Variants in TCHP observed in about 807,000 individuals in gnomAD.
TCHP encodes the protein trichoplein keratin filament-binding protein.
Under a neutral mutation model 88.7 loss-of-function variants are expected in TCHP, and 81 were observed. The ratio of observed to expected loss-of-function variants is 0.91; its 90% CI spans 0.76 to 1.10. The LOEUF is 1.10. TCHP is among the 50% of genes least tolerant of loss of function. TCHP has a pLI of 0.00. For synonymous variants in TCHP, 232 were observed against 232.5 expected (o/e 1.00, Z 0.02); for missense variants, 641 against 632.1 (o/e 1.01, Z -0.15).
upstream of TCHP, chr12:109,900,250 G>C (rs1400074237): frequency 6.6e-6 from 1 of 152,164 alleles, no homozygotes; most frequent in Non-Finnish European, 1.5e-5. Flanking sequence ...CGCGCTGAAG[G>C]AGGCTTGGCC....
chr12:109,908,233 T>C (rs1235024157), intron 6 of TCHP, among the ~76,000 whole-genome samples: 1 of 152,232 alleles, frequency 6.6e-6, no homozygotes, highest in East Asian at 1.9e-4. Flanking sequence ...CTACTGCTTA[T>C]TCTAGGTGCT....
At chr12:109,910,247 C>T (rs1870410106) in intron 8 of TCHP, among the ~76,000 whole-genome samples, 1 of 152,242 alleles carries the variant, frequency 6.6e-6, no homozygotes, top group African/African-American at 2.4e-5. Context: ...GGGAGACAGA[C>T]CTAAGCTGCC....
intron 10 of TCHP, 28 bp downstream of exon 10, chr12:109,913,100 G>A (rs756131357): frequency 1.2e-5 from 20 of 1,610,228 alleles, no homozygotes; most frequent in Admixed American, 1.2e-4. Context: ...GATGTGGACC[G>A]GCTGTTGGGT....
Position 109,908,889 on chromosome 12 carries a change from G to T in TCHP, c.831G>T (p.Gln277His), listed in dbSNP as rs1319795775. 1 of 1,614,132 alleles carries T rather than the reference G, an allele frequency of 6.2e-7. No individual in the cohort carries two copies. The highest frequency in any genetic ancestry group is 8.5e-7 in the Non-Finnish European group (1 of 1,180,050). Residue 277 changes from glutamine to histidine, a missense_variant, in exon 8 of 13, where the codon CAG becomes CAT. Coordinates refer to ENST00000405876, the MANE Select transcript of TCHP (RefSeq NM_001143852.2). ...KAELGRFLRHQYNAQLSRRTQ... is the reference protein window; with the variant it reads ...KAELGRFLRHHYNAQLSRRTQ... Reference sequence around the variant, plus strand: ...CCTTCAGGCGTTTCTTGAGACATCAGTATAACGCTCAACTCAGCAGACGCA... The same window carrying T: ...CCTTCAGGCGTTTCTTGAGACATCATTATAACGCTCAACTCAGCAGACGCA...
rs1180545857 is a variant in TCHP, at chr12:109,911,185, G to A, written c.1002G>A (p.Glu334=). 1 of 1,590,194 alleles carries A rather than the reference G, an allele frequency of 6.3e-7. No homozygotes were observed. Among genetic ancestry groups the A allele is most frequent in the East Asian group, 2.3e-5 (1 of 43,892 alleles). ...DVAWMKQAIE[E]QLQLERAREA... ...CCTGGATGAAGCAGGCCATTGAGGA[G>A]CAGCTGCAGCTGGAGCGGGCGCGGG... The change falls in exon 9 of 13, where the codon GAG becomes GAA. Residue 334 remains glutamate, a synonymous_variant. Coordinates refer to ENST00000405876, the MANE Select transcript of TCHP (RefSeq NM_001143852.2).
At position 109,904,052 on chromosome 12, in the gene TCHP, C is replaced by G; in HGVS notation, c.304C>G (p.Leu102Val). Residue 102 changes from leucine (L) to valine (V), a missense_variant, in exon 3 of 13, where the codon CTG (leucine) becomes GTG (valine). Transcript: ENST00000405876. ...GGAGCAGGACCTGCTGGCCAGAGAACTGGAGGAGCTGAGGCTGAGCATGAA... is the reference window on the plus strand; with the variant it reads ...GGAGCAGGACCTGCTGGCCAGAGAAGTGGAGGAGCTGAGGCTGAGCATGAA... ...QEEQDLLARE[L>V]EELRLSMNLQ... 6.2e-7 allele frequency: 1 copy of G among 1,605,970 alleles called. No individual in the cohort carries two copies. Among genetic ancestry groups the G allele is most frequent in the South Asian group, 1.1e-5 (1 of 89,498 alleles).
At position 109,904,128 on chromosome 12, in the gene TCHP, A is replaced by G. The variant is rs10774978; in HGVS notation, c.380A>G (p.Lys127Arg). ...REQHGKLKSA[K>R]EEQRKLIAEQ... ...CAGCACGGGAAGCTGAAATCAGCCAAAGAAGAGCAGAGGAAACTGGTAACT... is the reference window on the plus strand; with the variant it reads ...CAGCACGGGAAGCTGAAATCAGCCAGAGAAGAGCAGAGGAAACTGGTAACT... Residue 127 changes from lysine to arginine, a missense_variant, in exon 3 of 13, where the codon AAA (lysine) becomes AGA (arginine). Transcript: ENST00000405876. 281,634 of 1,574,250 alleles carry G rather than the reference A, an allele frequency of 0.18. 33,720 individuals are homozygous for G. The highest frequency in any genetic ancestry group is 0.62 in the African/African-American group (45,637 of 73,754).
chr12:109,915,923 C>T (rs1870796787), intron 12 of TCHP, among the ~76,000 whole-genome samples: 1 of 152,154 alleles, frequency 6.6e-6, no homozygotes, highest in African/African-American at 2.4e-5. Context: ...GACCAGTCCT[C>T]CTCCTCACCT....
the TCHP span, among the ~76,000 whole-genome samples, chr12:109,893,380 CAA>C: frequency 0.041 from 4,917 of 119,836 alleles, 284 homozygotes; most frequent in African/African-American, 0.12. Context: ...AACTCCTTCT[CAA>C]AAAAAAAAAA....
chr12:109,904,135 G>A lies in TCHP; in HGVS notation c.387G>A (p.Glu129=). 1 of 1,571,248 alleles carries A rather than the reference G, an allele frequency of 6.4e-7. No individual in the cohort carries two copies. The highest frequency in any genetic ancestry group is 8.6e-7 in the Non-Finnish European group (1 of 1,157,968). The part of the protein sequence containing the change: ...QHGKLKSAKE[E]QRKLIAEQLL... ...GGAAGCTGAAATCAGCCAAAGAAGA[G>A]CAGAGGAAACTGGTAACTCCCCAGA... The change falls in exon 3 of 13, where the codon GAG becomes GAA. Residue 129 remains glutamate (E), a synonymous_variant. Coordinates refer to ENST00000405876, the MANE Select transcript of TCHP (RefSeq NM_001143852.2).
Position 109,915,384 on chromosome 12 carries a change from C to G in TCHP, c.1321-19C>G. 1 of 1,614,082 alleles carries G rather than the reference C, an allele frequency of 6.2e-7. No individual in the cohort carries two copies. Among genetic ancestry groups the G allele is most frequent in the Non-Finnish European group, 8.5e-7 (1 of 1,180,040 alleles). ...TGTGGGCCTTGTCTTGGGGTGGTGA[C>G]TTTGCTCTTGGCACTCAGGTTGCAG... On this transcript the variant is annotated intron_variant, in intron 11 of 12. Transcript: ENST00000405876.
chr12:109,917,682 T>C lies in TCHP; in HGVS notation c.*1059T>C, dbSNP rs567384475. The C allele has an allele frequency of 6.5e-6, 1 of 152,754 alleles. No homozygotes were observed. Among genetic ancestry groups the C allele is most frequent in the South Asian group, 2.1e-4 (1 of 4,824 alleles). The allele number at this position is 152,754 out of a possible 1,614,324, so 9.5% of individuals were successfully genotyped here. On this transcript the variant is annotated 3_prime_UTR_variant, in exon 13 of 13. Coordinates refer to ENST00000405876, the MANE Select transcript of TCHP (RefSeq NM_001143852.2). ...CGTGATACAGGTCTACATTCATTTC[T>C]ACAAACAGGAACAAGTTCCTTGCAG...
At position 109,916,205 on chromosome 12, in the gene TCHP, G is replaced by T. The variant is rs750799500; in HGVS notation, c.1465-386G>T. On this transcript the variant is annotated intron_variant, in intron 12 of 12. Transcript: ENST00000405876. ...CCAGGACACATGCTGCAGAATGAGGGCTGGCTCCCTTGTGGTCAGATGACA... is the reference window on the plus strand; with the variant it reads ...CCAGGACACATGCTGCAGAATGAGGTCTGGCTCCCTTGTGGTCAGATGACA... Among the ~76,000 whole-genome samples the T allele has an allele frequency of 5.9e-5, 9 of 152,216 alleles. No homozygotes were observed. In the East Asian group the frequency reaches 9.6e-4, roughly 16 times the overall value.
At chr12:109,912,920 T>C in intron 9 of TCHP, 71 bp from the exon 10 acceptor site, 1 of 1,318,658 alleles carries the variant, frequency 7.6e-7, no homozygotes, top group Non-Finnish European at 1.1e-6. Flanking sequence ...CCTGCAGCCC[T>C]GTCTGTTCCG....
rs1870315062 is a variant in TCHP at position 109,908,873 on chromosome 12, GT to G, written c.818del (p.Phe273SerfsTer2). ...GCCCACATTTGATTCTCCTTCAGGC[GT>G]TTCTTGAGACATCAGTATAACGCTC... ...EAFRQKAELG[R>X]FLRHQYNAQL... On this transcript the variant is annotated frameshift_variant, in exon 8 of 13. Transcript: ENST00000405876. LOFTEE classifies it high-confidence loss of function. The G allele has an allele frequency of 6.2e-7, 1 of 1,614,050 alleles. No individual in the cohort carries two copies. Among genetic ancestry groups the G allele is most frequent in the African/African-American group, 1.3e-5 (1 of 74,932 alleles).
chr12:109,882,517 G>A, the TCHP span, among the ~76,000 whole-genome samples: 3 of 151,842 alleles, frequency 2.0e-5, no homozygotes, highest in East Asian at 1.9e-4. Flanking sequence ...GCAAGGAATC[G>A]GGGGGCCAGG....
chr12:109,912,036 C>T lies in TCHP; in HGVS notation c.1052+801C>T, dbSNP rs938603282. Among the ~76,000 whole-genome samples, 6 of 152,028 alleles carry T rather than the reference C, an allele frequency of 3.9e-5. No homozygotes were observed. In the East Asian group the frequency reaches 5.8e-4, roughly 15 times the overall value. ...GTCTTGAACTCCTGACCTTGTGATCCGCCAGCGTTGGCCTCCCAAAGTGCT... is the reference window on the plus strand; with the variant it reads ...GTCTTGAACTCCTGACCTTGTGATCTGCCAGCGTTGGCCTCCCAAAGTGCT... On this transcript the variant is annotated intron_variant, in intron 9 of 12. Transcript: ENST00000405876.
chr12:109,896,171 T>C (rs1469941815), upstream of TCHP, among the ~76,000 whole-genome samples: 1 of 152,196 alleles, frequency 6.6e-6, no homozygotes, highest in Non-Finnish European at 1.5e-5. Context: ...GGTCTCGAAC[T>C]CCTGACCTCA....
At chr12:109,887,120 C>T in the TCHP span, among the ~76,000 whole-genome samples, 1 of 152,170 alleles carries the variant, frequency 6.6e-6, no homozygotes, top group East Asian at 1.9e-4. Context: ...AGTCTTCTAT[C>T]CGTATTGAAA....
Sources: allele counts gnomAD v4.1 joint callset (sites outside exome capture counted in the v4.1 genomes callset), GRCh38; gene constraint gnomAD v4.1.1; transcripts MANE v1.5; gene names NCBI Gene and HGNC (gene_info 2026-07-23, HGNC 2026-07-21).